The following ZDHHC21 variants were observed in gnomAD, a reference collection of about 807,000 sequenced individuals.
ZDHHC21 encodes the protein palmitoyltransferase ZDHHC21.
In ZDHHC21, 15 loss-of-function variants were observed where a neutral mutation model predicts 34.6. The observed-to-expected ratio is 0.43, with a 90% CI of 0.29 to 0.67. The LOEUF (loss-of-function observed/expected upper bound fraction) is 0.67, where lower values mean the gene tolerates loss of function less well. Ranked by LOEUF, ZDHHC21 falls within the 30% of genes least tolerant of loss-of-function variation. ZDHHC21 has a pLI of 0.14. For synonymous variants in ZDHHC21, 142 were observed against 101.8 expected, an observed-to-expected ratio of 1.40 and a Z score of -2.38; for missense variants, 344 against 327.7, an observed-to-expected ratio of 1.05 and a Z score of -0.38.
the ZDHHC21 span, among the ~76,000 whole-genome samples, chr9:14,595,843 C>A: frequency 6.6e-6 from 1 of 152,210 alleles, no homozygotes; most frequent in Non-Finnish European, 1.5e-5. Flanking sequence ...AGATGTTCAA[C>A]ATCATTAGCC....
At chr9:14,641,527 G>T (rs1184817975) in intron 7 of ZDHHC21, among the ~76,000 whole-genome samples, 3 of 151,966 alleles carry the variant, frequency 2.0e-5, no homozygotes, top group Non-Finnish European at 4.4e-5. Flanking sequence ...AATCCTAGAT[G>T]AACACAAAAA....
the ZDHHC21 span, among the ~76,000 whole-genome samples, chr9:14,599,788 A>T: frequency 6.6e-6 from 1 of 151,796 alleles, no homozygotes; most frequent in Non-Finnish European, 1.5e-5. Flanking sequence ...CCAGCATCAC[A>T]TCAAAAAGCT....
chr9:14,600,755 A>C, the ZDHHC21 span, among the ~76,000 whole-genome samples: 1 of 152,220 alleles, frequency 6.6e-6, no homozygotes, highest in Non-Finnish European at 1.5e-5. Flanking sequence ...AAACCATACT[A>C]CAAGGCTACA....
chr9:14,655,859 A>T (rs1322595607), intron 7 of ZDHHC21, among the ~76,000 whole-genome samples: 1 of 18,580 alleles, frequency 5.4e-5, no homozygotes, highest in African/African-American at 2.0e-4. Context: ...ATATTAAAAG[A>T]TAATTTTTTA....
intron 2 of ZDHHC21, among the ~76,000 whole-genome samples, chr9:14,685,003 T>C (rs571190259): frequency 6.0e-4 from 92 of 152,310 alleles, no homozygotes; most frequent in African/African-American, 2.1e-3. Flanking sequence ...TAGCCATATG[T>C]AGAAAGCTGA....
the ZDHHC21 span, among the ~76,000 whole-genome samples, chr9:14,597,997 T>G: frequency 1.3e-5 from 2 of 152,104 alleles, no homozygotes; most frequent in East Asian, 1.9e-4. Context: ...TGCCCACACA[T>G]GCTGCTTGGG....
rs1348533768 is a variant in ZDHHC21, at chr9:14,617,860, A to T, written c.*1106T>A. 1 of 151,976 alleles carries T rather than the reference A, an allele frequency of 6.6e-6. No homozygotes were observed. The highest frequency in any genetic ancestry group is 1.9e-4 in the East Asian group (1 of 5,186). The allele number at this position is 151,976 out of a possible 1,614,324, so 9.4% of individuals were successfully genotyped here. On this transcript the variant is annotated 3_prime_UTR_variant, in exon 10 of 10. Coordinates refer to ENST00000380916, the MANE Select transcript of ZDHHC21 (RefSeq NM_178566.6). The stretch of plus-strand genomic sequence containing the variant: ...ATTACAGCCAGCCAATTAAAATTTA[A>T]TTTTAATTTAGGGATTATAGGTACA...
rs148638685 is a variant in ZDHHC21 at position 14,627,248 on chromosome 9, T to A, written c.622-7566A>T. On this transcript the variant is annotated intron_variant, in intron 8 of 9. Coordinates refer to ENST00000380916, the MANE Select transcript of ZDHHC21 (RefSeq NM_178566.6). ...GTCTCCTTTAAACTGATTTCACACT[T>A]GGAACACAAGATACTTTTCAGTGAG... 5.2e-3 allele frequency among the ~76,000 whole-genome samples: 790 copies of A among 152,304 alleles called. 6 individuals are homozygous for A. The highest frequency in any genetic ancestry group is 6.0e-3 in the Non-Finnish European group (411 of 68,014).
chr9:14,659,959 A>C (rs1239332433), intron 6 of ZDHHC21, among the ~76,000 whole-genome samples: 1 of 152,236 alleles, frequency 6.6e-6, no homozygotes, highest in Non-Finnish European at 1.5e-5. Flanking sequence ...GTCCCCAGGA[A>C]GTTTGAGAAA....
intron 8 of ZDHHC21, among the ~76,000 whole-genome samples, chr9:14,635,934 A>G (rs995770087): frequency 6.6e-6 from 1 of 152,156 alleles, no homozygotes. Flanking sequence ...GAAGAACTCT[A>G]ATGTTACCAC....
the ZDHHC21 span, among the ~76,000 whole-genome samples, chr9:14,602,245 AAGC>A: frequency 1.3e-5 from 2 of 152,070 alleles, no homozygotes; most frequent in African/African-American, 2.4e-5. Context: ...AGACTAGATC[AAGC>A]AGAAGAAAGA....
At chr9:14,690,407 T>C in intron 1 of ZDHHC21, 22 bp from the exon 2 acceptor site, 1 of 452,526 alleles carries the variant, frequency 2.2e-6, no homozygotes, top group South Asian at 1.6e-5. Flanking sequence ...GATAAAAAGC[T>C]TAAAATCAGA....
In ZDHHC21 at chr9:14,614,877, T is replaced by C. The variant is rs1823909351; in HGVS notation, c.*4089A>G. ...AATTTTATCAAATAAATTCTAGATA[T>C]ATCTATGTATATTAGAGGTCATGTC... is the stretch of plus-strand genomic sequence containing the variant. On this transcript the variant is annotated 3_prime_UTR_variant, in exon 10 of 10. Coordinates refer to ENST00000380916, the MANE Select transcript of ZDHHC21 (RefSeq NM_178566.6). 6.6e-6 allele frequency: 1 copy of C among 151,686 alleles called. No homozygotes were observed. Among genetic ancestry groups the C allele is most frequent in the South Asian group, 2.1e-4 (1 of 4,828 alleles). 9.4% of individuals were successfully genotyped at this position (151,686 alleles called of 1,614,324 possible). A position where few individuals can be genotyped will look rare whatever the true frequency, so the allele number is the denominator to read the frequency against.
chr9:14,596,716 T>C, the ZDHHC21 span, among the ~76,000 whole-genome samples: 1 of 151,804 alleles, frequency 6.6e-6, no homozygotes, highest in Admixed American at 6.6e-5. Context: ...CAAATAATTC[T>C]GAAAGAAAAA....
intron 3 of ZDHHC21, among the ~76,000 whole-genome samples, chr9:14,676,765 A>G (rs940439426): frequency 6.6e-6 from 1 of 151,970 alleles, no homozygotes; most frequent in African/African-American, 2.4e-5. Context: ...TCAAATACAA[A>G]TGGTAAGCTA....
At chr9:14,688,446 C>T (rs1838678521) in intron 2 of ZDHHC21, among the ~76,000 whole-genome samples, 1 of 150,802 alleles carries the variant, frequency 6.6e-6, no homozygotes, top group African/African-American at 2.5e-5. Flanking sequence ...AACAATACCC[C>T]AGGGCCTGCT....
the ZDHHC21 span, among the ~76,000 whole-genome samples, chr9:14,596,800 C>T: frequency 1.3e-5 from 2 of 152,132 alleles, no homozygotes; most frequent in South Asian, 4.1e-4. Flanking sequence ...AGGTACGTGG[C>T]ACTTGTCTCC....
At chr9:14,643,012 G>C (rs1829648960) in intron 7 of ZDHHC21, among the ~76,000 whole-genome samples, 1 of 152,156 alleles carries the variant, frequency 6.6e-6, no homozygotes, top group Non-Finnish European at 1.5e-5. Flanking sequence ...GCCAAGGTGG[G>C]TGGATCACCT....
At chr9:14,636,952 A>G (rs1227639956) in intron 8 of ZDHHC21, among the ~76,000 whole-genome samples, 2 of 152,120 alleles carry the variant, frequency 1.3e-5, no homozygotes, top group East Asian at 3.8e-4. Flanking sequence ...TCAAAACAGT[A>G]GAAAGATTTC....
Sources: allele counts gnomAD v4.1 joint callset (sites outside exome capture counted in the v4.1 genomes callset), GRCh38; gene constraint gnomAD v4.1.1; transcripts MANE v1.5; gene names NCBI Gene and HGNC (gene_info 2026-07-23, HGNC 2026-07-21).